AGMO: variants seen among roughly 807,000 people sequenced by gnomAD.
AGMO encodes glyceryl-ether monooxygenase.
In AGMO, 75 loss-of-function variants were observed where a neutral mutation model predicts 60.2. The observed-to-expected ratio is 1.25, with a 90% CI of 1.03 to 1.51. The LOEUF (loss-of-function observed/expected upper bound fraction) is 1.51, where lower values mean the gene tolerates loss of function less well. Among genes scored for constraint, AGMO ranks in the 40% most tolerant of loss-of-function variants. The pLI is 0.00. For synonymous variants in AGMO, 261 were observed against 177.1 expected (o/e 1.47, Z -3.76); for missense variants, 763 against 525.5 (o/e 1.45, Z -4.42).
At chr7:15,481,163 G>A (rs549808860) in intron 3 of AGMO, among the ~76,000 whole-genome samples, 2 of 152,088 alleles carry the variant, frequency 1.3e-5, no homozygotes, top group East Asian at 1.9e-4. Flanking sequence ...AATAAATGGT[G>A]GCATATAAAA....
intron 3 of AGMO, among the ~76,000 whole-genome samples, chr7:15,528,491 C>T (rs925552317): frequency 2.0e-5 from 3 of 151,948 alleles, no homozygotes; most frequent in Admixed American, 6.6e-5. Flanking sequence ...TACCTAACAT[C>T]GTTTATGAAC....
intron 12 of AGMO, among the ~76,000 whole-genome samples, chr7:15,331,290 A>G (rs1229537521): frequency 6.6e-6 from 1 of 152,248 alleles, no homozygotes; most frequent in African/African-American, 2.4e-5. Context: ...AAGCTGTGAG[A>G]AATAAAAATG....
At chr7:15,393,633 C>T (rs532766790) in intron 6 of AGMO, among the ~76,000 whole-genome samples, 2 of 152,230 alleles carry the variant, frequency 1.3e-5, no homozygotes, top group Non-Finnish European at 1.5e-5. Flanking sequence ...ATTTTCTCGT[C>T]AGGGAAACGC....
the AGMO span, among the ~76,000 whole-genome samples, chr7:15,119,514 C>G: frequency 6.6e-6 from 1 of 151,346 alleles, no homozygotes; most frequent in Non-Finnish European, 1.5e-5. Flanking sequence ...GGTCAGTCAT[C>G]ATAAACATTT....
At chr7:15,376,243 A>T (rs933086089) in intron 10 of AGMO, among the ~76,000 whole-genome samples, 1 of 152,060 alleles carries the variant, frequency 6.6e-6, no homozygotes, top group African/African-American at 2.4e-5. Flanking sequence ...AAGGAAATGA[A>T]ATCCCAAGGG....
the AGMO span, among the ~76,000 whole-genome samples, chr7:15,140,939 G>T: frequency 0.058 from 8,766 of 152,034 alleles, 358 homozygotes; most frequent in African/African-American, 0.12. Flanking sequence ...GTGTGTTTGG[G>T]GCTCTTTGAC....
At chr7:15,333,845 T>C (rs1490626048) in intron 12 of AGMO, among the ~76,000 whole-genome samples, 1 of 152,104 alleles carries the variant, frequency 6.6e-6, no homozygotes, top group Non-Finnish European at 1.5e-5. Context: ...AGTGGTCATT[T>C]TCTTTCATAG....
intron 10 of AGMO, among the ~76,000 whole-genome samples, chr7:15,369,590 C>T (rs1002472169): frequency 2.6e-5 from 4 of 151,982 alleles, no homozygotes; most frequent in Admixed American, 6.6e-5. Flanking sequence ...CTTGTCCCTC[C>T]GACACAAAAT....
At chr7:15,356,918 G>A (rs1375928030) in intron 12 of AGMO, among the ~76,000 whole-genome samples, 1 of 143,812 alleles carries the variant, frequency 7.0e-6, no homozygotes, top group Non-Finnish European at 1.5e-5. Context: ...GACCAGCCTG[G>A]CCAACATGGC....
intron 12 of AGMO, among the ~76,000 whole-genome samples, chr7:15,313,888 A>G (rs1233803817): frequency 6.6e-6 from 1 of 152,016 alleles, no homozygotes; most frequent in Non-Finnish European, 1.5e-5. Flanking sequence ...CTCTCTCTCA[A>G]AATACCTTGC....
chr7:15,305,265 T>C (rs975530878), intron 12 of AGMO, among the ~76,000 whole-genome samples: 2 of 150,492 alleles, frequency 1.3e-5, no homozygotes, highest in African/African-American at 2.4e-5. Flanking sequence ...AAAAGTTTGA[T>C]AGGACAGGAA....
chr7:15,344,752 A>G (rs1417514541), intron 12 of AGMO, among the ~76,000 whole-genome samples: 4 of 152,160 alleles, frequency 2.6e-5, no homozygotes, highest in Non-Finnish European at 5.9e-5. Flanking sequence ...TGCTCTCAAG[A>G]GAAGACTTTT....
chr7:15,241,067 A>G (rs903053087), intron 12 of AGMO, among the ~76,000 whole-genome samples: 1 of 152,186 alleles, frequency 6.6e-6, no homozygotes, highest in Non-Finnish European at 1.5e-5. Flanking sequence ...GAAATCATCA[A>G]TATCAGGGAA....
chr7:15,531,900 C>T (rs1428895621), intron 3 of AGMO, among the ~76,000 whole-genome samples: 1 of 151,796 alleles, frequency 6.6e-6, no homozygotes, highest in Non-Finnish European at 1.5e-5. Context: ...AACTCTTGAC[C>T]TCAAGTGATC....
chr7:15,347,054 G>T (rs777682947), intron 12 of AGMO, among the ~76,000 whole-genome samples: 25 of 151,962 alleles, frequency 1.6e-4, no homozygotes, highest in Middle Eastern at 3.4e-3. Context: ...CTACATTAAG[G>T]TGAATGTAGG....
chr7:15,287,055 G>C (rs868841124), intron 12 of AGMO, among the ~76,000 whole-genome samples: 18 of 152,212 alleles, frequency 1.2e-4, no homozygotes, highest in Middle Eastern at 3.4e-3. Context: ...TGGTATAATG[G>C]ACTTTGGAGA....
intron 12 of AGMO, among the ~76,000 whole-genome samples, chr7:15,217,671 T>A (rs1781782064): frequency 6.6e-6 from 1 of 151,656 alleles, no homozygotes; most frequent in South Asian, 2.1e-4. Context: ...AACTAATCAC[T>A]CAGAAGAAAA....
At chr7:15,384,869 T>A (rs1411985787) in intron 10 of AGMO, among the ~76,000 whole-genome samples, 3 of 151,694 alleles carry the variant, frequency 2.0e-5, no homozygotes, top group African/African-American at 4.8e-5. Flanking sequence ...ACGTTATTTT[T>A]GCTCTTTCCA....
chr7:15,212,279 CACACACACA>C (rs1474465024), intron 12 of AGMO, among the ~76,000 whole-genome samples: 27 of 138,154 alleles, frequency 2.0e-4, no homozygotes, highest in African/African-American at 7.5e-4. Context: ...CACACACACA[CACACACACA>C]AATAGCATGG....
Sources: gnomAD v4.1 joint callset for allele counts (sites outside exome capture counted in the v4.1 genomes callset) on GRCh38, gnomAD v4.1.1 for gene constraint, MANE v1.5 for transcripts, NCBI Gene and HGNC (gene_info 2026-07-23, HGNC 2026-07-21) for gene names.